The following MAN2B2 variants were observed in gnomAD, a reference collection of about 807,000 sequenced individuals.
The protein encoded by MAN2B2 is mannosidase alpha class 2B member 2.
MAN2B2 carries 106 observed loss-of-function variants against 117.1 expected under a neutral mutation model. That is an observed-to-expected ratio of 0.90 (90% CI 0.77 to 1.06). MAN2B2 has a LOEUF of 1.06. Among genes scored for constraint, MAN2B2 ranks in the 50% least tolerant of loss-of-function variants. The pLI is 0.00. For missense variants in MAN2B2, 1,326 were observed against 1,381.4 expected, an observed-to-expected ratio of 0.96 and a Z score of 0.64; for synonymous variants, 544 against 595.1, an observed-to-expected ratio of 0.91 and a Z score of 1.25.
At chr4:6,608,450 G>T (rs574286808) in intron 11 of MAN2B2, among the ~76,000 whole-genome samples, 2 of 152,286 alleles carry the variant, frequency 1.3e-5, no homozygotes, top group East Asian at 3.9e-4. Context: ...GCCAAATATT[G>T]CATTTTACAA....
At chr4:6,610,790 G>A in intron 13 of MAN2B2, 90 bp from the exon 14 acceptor site, 1 of 1,079,374 alleles carries the variant, frequency 9.3e-7, no homozygotes, top group Non-Finnish European at 1.4e-6. Flanking sequence ...TGTGCCTATG[G>A]GGAGCACCAG....
chr4:6,600,959 C>A (rs1727304566), intron 10 of MAN2B2, among the ~76,000 whole-genome samples: 1 of 152,076 alleles, frequency 6.6e-6, no homozygotes, highest in Non-Finnish European at 1.5e-5. Flanking sequence ...AACTGAGTGT[C>A]CTAAAATCAA....
At chr4:6,586,500 G>A (rs1726637816) in intron 3 of MAN2B2, among the ~76,000 whole-genome samples, 1 of 152,170 alleles carries the variant, frequency 6.6e-6, no homozygotes, top group African/African-American at 2.4e-5. Context: ...ACCCCTGCAC[G>A]TGCTGTAACA....
At chr4:6,605,384 T>C in intron 11 of MAN2B2, 55 bp downstream of exon 11, 1 of 1,547,876 alleles carries the variant, frequency 6.5e-7, no homozygotes, top group South Asian at 1.2e-5. Context: ...AGCCTGGGCA[T>C]GTCAGGCCCC....
At chr4:6,597,811 C>T (rs1727162972) in intron 8 of MAN2B2, among the ~76,000 whole-genome samples, 1 of 152,208 alleles carries the variant, frequency 6.6e-6, no homozygotes, top group Admixed American at 6.5e-5. Context: ...GATGGGAAAA[C>T]AGACCCAAGA....
intron 3 of MAN2B2, among the ~76,000 whole-genome samples, chr4:6,583,117 C>A (rs1726499722): frequency 6.6e-6 from 1 of 152,188 alleles, no homozygotes; most frequent in African/African-American, 2.4e-5. Context: ...TCTAGACTGG[C>A]TCACCCCACT....
chr4:6,614,441 A>C, intron 16 of MAN2B2, 86 bp downstream of exon 16: 26 of 1,493,262 alleles, frequency 1.7e-5, no homozygotes, highest in Non-Finnish European at 2.2e-5. Flanking sequence ...ACAGGGGCTC[A>C]CCTTAGAGCT....
Position 6,605,281 on chromosome 4 carries a change from T to C in MAN2B2, c.1766T>C (p.Ile589Thr), listed in dbSNP as rs148488843. ...YLVPVANDCYIVLLDQDTNLM... is the reference protein window; with the variant it reads ...YLVPVANDCYTVLLDQDTNLM... ...GTGCCTGTGGCAAACGACTGCTACA[T>C]TGTGCTGCTCGACCAGGATACCAAC... Residue 589 changes from isoleucine to threonine, a missense_variant, in exon 11 of 19, where the codon ATT becomes ACT. Coordinates refer to ENST00000285599, the MANE Select transcript of MAN2B2 (RefSeq NM_015274.3). The C allele has an allele frequency of 8.2e-4, 1,319 of 1,614,082 alleles. 2 individuals are homozygous for C. The highest frequency in any genetic ancestry group is 1.0e-3 in the Non-Finnish European group (1,210 of 1,179,948).
intron 11 of MAN2B2, among the ~76,000 whole-genome samples, 191 bp downstream of exon 11, chr4:6,605,520 T>C (rs982553832): frequency 1.3e-5 from 2 of 152,178 alleles, no homozygotes; most frequent in African/African-American, 4.8e-5. Context: ...GGCTTTCTTA[T>C]ACTTTTTCAT....
At chr4:6,602,568 C>T (rs1320863350) in intron 10 of MAN2B2, among the ~76,000 whole-genome samples, 3 of 152,142 alleles carry the variant, frequency 2.0e-5, no homozygotes, top group Non-Finnish European at 2.9e-5. Context: ...ACATTCAGTC[C>T]GTGGCATCAC....
At position 6,598,226 on chromosome 4, in the gene MAN2B2, C is replaced by CT; in HGVS notation, c.1278dup (p.Glu427Ter). The CT allele has an allele frequency of 6.2e-7, 1 of 1,613,730 alleles. No homozygotes were observed. The highest frequency in any genetic ancestry group is 8.5e-7 in the Non-Finnish European group (1 of 1,180,018). On this transcript the variant is annotated frameshift_variant, in exon 9 of 19. Transcript: ENST00000285599. LOFTEE classifies it high-confidence loss of function. ...CAGCACCATGATGCCATCACTGGGA[C>CT]TGAGTCCCCCAAGGTGAGAGACATG...
rs139582047 is a variant in MAN2B2 at position 6,591,953 on chromosome 4, A to G, written c.681-1220A>G. Among the ~76,000 whole-genome samples, 33 of 152,284 alleles carry G rather than the reference A, an allele frequency of 2.2e-4. 1 individual carries two copies. Among genetic ancestry groups the G allele is most frequent in the African/African-American group, 7.5e-4 (31 of 41,570 alleles). On this transcript the variant is annotated intron_variant, in intron 5 of 18. Transcript: ENST00000285599. ...AGATGCTGTGAGTGCCCCATCTTAC[A>G]GAAGGAAAAACTGAGGCACAGCAGC...
chr4:6,621,369 G>C lies in MAN2B2; in HGVS notation c.*84G>C. 1 of 1,132,740 alleles carries C rather than the reference G, an allele frequency of 8.8e-7. No homozygotes were observed. Among genetic ancestry groups the C allele is most frequent in the Non-Finnish European group, 1.3e-6 (1 of 777,830 alleles). The allele number at this position is 1,132,740 out of a possible 1,614,324, so 70.2% of individuals were successfully genotyped here. On this transcript the variant is annotated 3_prime_UTR_variant, in exon 19 of 19. Transcript: ENST00000285599. ...GACCCAGGACAGGGAAAAGCAGTGCGGAGGGATGGGACTGGGGAGTCAGCT... is the reference window on the plus strand; with the variant it reads ...GACCCAGGACAGGGAAAAGCAGTGCCGAGGGATGGGACTGGGGAGTCAGCT...
chr4:6,610,950 G>A lies in MAN2B2; in HGVS notation c.2330G>A (p.Arg777Gln), dbSNP rs535718758. Reference protein sequence around the residue: ...GKSRLVLLSERAHGISSQGNG... With the variant: ...GKSRLVLLSEQAHGISSQGNG... ...AGCAGGCTTGTGTTGCTGTCGGAGC[G>A]GGCACATGGCATCTCCAGCCAAGGG... The change falls in exon 14 of 19, where the codon CGG becomes CAG. Residue 777 changes from arginine (R) to glutamine (Q), a missense_variant. By Grantham distance (43) the Arg-to-Gln change is conservative. Coordinates refer to ENST00000285599, the MANE Select transcript of MAN2B2 (RefSeq NM_015274.3). The A allele has an allele frequency of 1.2e-5, 19 of 1,614,162 alleles. No individual in the cohort carries two copies. The highest frequency in any genetic ancestry group is 1.1e-4 in the East Asian group (5 of 44,882).
intron 13 of MAN2B2, among the ~76,000 whole-genome samples, chr4:6,610,368 G>A (rs773708566): frequency 9.2e-5 from 14 of 152,096 alleles, no homozygotes; most frequent in Non-Finnish European, 1.9e-4. Context: ...TGATGGCCAG[G>A]CTGGTCTTGA....
chr4:6,602,421 G>A (rs187621657), intron 10 of MAN2B2, among the ~76,000 whole-genome samples: 38 of 152,282 alleles, frequency 2.5e-4, no homozygotes, highest in African/African-American at 8.9e-4. Context: ...GAGGCCAAGG[G>A]AACTCTCTGA....
chr4:6,586,464 C>T (rs1162443309), intron 3 of MAN2B2, among the ~76,000 whole-genome samples: 5 of 152,148 alleles, frequency 3.3e-5, no homozygotes, highest in Admixed American at 6.5e-5. Context: ...AATCAGTGCT[C>T]TATCCAAGTT....
At chr4:6,579,731 C>A (rs1726356988) in intron 3 of MAN2B2, among the ~76,000 whole-genome samples, 1 of 152,152 alleles carries the variant, frequency 6.6e-6, no homozygotes, top group Non-Finnish European at 1.5e-5. Context: ...ATCCCCTCCA[C>A]AATCATCATC....
intron 10 of MAN2B2, among the ~76,000 whole-genome samples, chr4:6,601,085 C>T (rs1490936099): frequency 1.3e-5 from 2 of 152,206 alleles, no homozygotes; most frequent in Non-Finnish European, 2.9e-5. Flanking sequence ...TGGGCTACCA[C>T]ACTTGTGTCC....
Sources: allele counts gnomAD v4.1 joint callset (sites outside exome capture counted in the v4.1 genomes callset), GRCh38; gene constraint gnomAD v4.1.1; transcripts MANE v1.5; gene names NCBI Gene and HGNC (gene_info 2026-07-23, HGNC 2026-07-21).